Variants in DHX35 observed in about 807,000 individuals in gnomAD.
The protein encoded by DHX35 is DEAH-box helicase 35, also known as probable ATP-dependent RNA helicase DHX35.
A neutral mutation model predicts 99.6 loss-of-function variants in DHX35; 84 were observed. That is an observed-to-expected ratio of 0.84 (90% CI 0.71 to 1.01). The LOEUF (loss-of-function observed/expected upper bound fraction) is 1.01. Among genes scored for constraint, DHX35 ranks in the 50% least tolerant of loss-of-function variants. DHX35 has a pLI of 0.00. For synonymous variants in DHX35, 331 were observed against 316.2 expected, an observed-to-expected ratio of 1.05 and a Z score of -0.50; for missense variants, 852 against 888.5, an observed-to-expected ratio of 0.96 and a Z score of 0.52.
chr20:39,009,233 A>G (rs761525932), intron 12 of DHX35, among the ~76,000 whole-genome samples: 53 of 152,156 alleles, frequency 3.5e-4, no homozygotes, highest in Non-Finnish European at 6.3e-4. Context: ...CTGTACCCCA[A>G]ATTCTCTTGA....
intron 12 of DHX35, among the ~76,000 whole-genome samples, chr20:39,008,913 C>T (rs2086658915): frequency 6.6e-6 from 1 of 152,174 alleles, no homozygotes; most frequent in East Asian, 1.9e-4. Context: ...TTCCCTGAGC[C>T]TCCATTTCTC....
intron 21 of DHX35, 106 bp downstream of exon 21, chr20:39,034,423 G>C: frequency 1.1e-6 from 1 of 879,402 alleles, no homozygotes; most frequent in Non-Finnish European, 1.8e-6. Context: ...GTTCCCCCTA[G>C]GGGTGCATAG....
chr20:38,976,284 A>C (rs1220731732), intron 3 of DHX35, among the ~76,000 whole-genome samples: 1 of 151,952 alleles, frequency 6.6e-6, no homozygotes, highest in Non-Finnish European at 1.5e-5. Context: ...AGTTATAATC[A>C]GTATTATGAG....
At chr20:39,033,593 T>C (rs1330511298) in intron 20 of DHX35, among the ~76,000 whole-genome samples, 1 of 152,222 alleles carries the variant, frequency 6.6e-6, no homozygotes, top group African/African-American at 2.4e-5. Context: ...ATTAACACTT[T>C]GGATGTTTCA....
At chr20:39,020,656 C>CTTTTTTTTTTTTT (rs57246257) in intron 15 of DHX35, among the ~76,000 whole-genome samples, 32 of 105,222 alleles carry the variant, frequency 3.0e-4, no homozygotes, top group African/African-American at 5.0e-4. Flanking sequence ...AAACAGGATT[C>CTTTTTTTTTTTTT]TTTTTTTTTT....
intron 21 of DHX35, among the ~76,000 whole-genome samples, chr20:39,034,863 C>T (rs1426895844): frequency 2.0e-5 from 3 of 151,814 alleles, no homozygotes; most frequent in African/African-American, 7.3e-5. Flanking sequence ...AGTGATCCAC[C>T]CACCTCAGCC....
At chr20:38,989,097 CTT>C (rs375064892) in intron 5 of DHX35, among the ~76,000 whole-genome samples, 180 bp downstream of exon 5, 9 of 125,298 alleles carry the variant, frequency 7.2e-5, no homozygotes, top group Admixed American at 8.2e-5. Flanking sequence ...TTCCTTTTTT[CTT>C]TTTTTTTTTT....
intron 7 of DHX35, among the ~76,000 whole-genome samples, chr20:38,993,015 C>G (rs185306999): frequency 6.6e-6 from 1 of 152,344 alleles, no homozygotes; most frequent in Admixed American, 6.5e-5. Flanking sequence ...TTACAACTCA[C>G]AGCCAATCTT....
chr20:38,988,659 T>A, intron 4 of DHX35, 154 bp from the exon 5 acceptor site: 1 of 1,084,402 alleles, frequency 9.2e-7, no homozygotes, highest in Non-Finnish European at 1.2e-6. Flanking sequence ...ATTGCAAAAG[T>A]TATTATGCTT....
At chr20:39,035,392 G>A (rs912975073) in intron 21 of DHX35, among the ~76,000 whole-genome samples, 3 of 152,208 alleles carry the variant, frequency 2.0e-5, no homozygotes, top group Non-Finnish European at 2.9e-5. Flanking sequence ...AAGGGTTACA[G>A]CCCTGTGCTG....
chr20:38,972,813 C>A (rs1030357877), intron 3 of DHX35, among the ~76,000 whole-genome samples, 162 bp downstream of exon 3: 2 of 152,082 alleles, frequency 1.3e-5, no homozygotes, highest in Admixed American at 1.3e-4. Context: ...CTTATAATTT[C>A]TTTGGTGAGT....
chr20:39,032,347 T>A (rs1168697162), intron 20 of DHX35, among the ~76,000 whole-genome samples: 2 of 152,188 alleles, frequency 1.3e-5, no homozygotes, highest in African/African-American at 4.8e-5. Context: ...AATTTTTGTA[T>A]TTTTAGTAGA....
At chr20:39,007,288 T>C (rs2086634143) in intron 12 of DHX35, among the ~76,000 whole-genome samples, 1 of 152,216 alleles carries the variant, frequency 6.6e-6, no homozygotes, top group Non-Finnish European at 1.5e-5. Context: ...GCCACGGTGC[T>C]AGAGCTTGGA....
At chr20:38,982,630 C>T (rs1303177153) in intron 3 of DHX35, among the ~76,000 whole-genome samples, 2 of 152,148 alleles carry the variant, frequency 1.3e-5, no homozygotes, top group Non-Finnish European at 2.9e-5. Context: ...GTTCCCCTCC[C>T]TCCATTTCCC....
intron 12 of DHX35, among the ~76,000 whole-genome samples, chr20:39,009,967 A>C (rs964138485): frequency 6.6e-6 from 1 of 152,184 alleles, no homozygotes; most frequent in African/African-American, 2.4e-5. Flanking sequence ...GATGGTGGCA[A>C]CTGGGAACTG....
chr20:39,023,824 C>A, intron 17 of DHX35, 57 bp downstream of exon 17: 1 of 1,423,572 alleles, frequency 7.0e-7, no homozygotes, highest in Non-Finnish European at 9.9e-7. Flanking sequence ...TGGAGGTGAT[C>A]TAGGAGGGAG....
intron 16 of DHX35, 145 bp from the exon 17 acceptor site, chr20:39,023,545 G>C: frequency 4.7e-6 from 3 of 643,166 alleles, no homozygotes; most frequent in Non-Finnish European, 8.2e-6. Context: ...TAGACATGGG[G>C]TTTACCTATG....
chr20:38,967,772 G>A (rs1286266936), intron 1 of DHX35, among the ~76,000 whole-genome samples: 1 of 152,164 alleles, frequency 6.6e-6, no homozygotes, highest in Non-Finnish European at 1.5e-5. Flanking sequence ...CGGTTACTGA[G>A]AATAGCATTT....
chr20:39,007,104 AG>A (rs1356829558), intron 12 of DHX35, among the ~76,000 whole-genome samples: 3 of 152,156 alleles, frequency 2.0e-5, no homozygotes, highest in African/African-American at 7.2e-5. Context: ...AACCAGGCCC[AG>A]GGTTTTTTAT....
Sources: allele counts gnomAD v4.1 joint callset (sites outside exome capture counted in the v4.1 genomes callset), GRCh38; gene constraint gnomAD v4.1.1; transcripts MANE v1.5; gene names NCBI Gene and HGNC (gene_info 2026-07-23, HGNC 2026-07-21).